MYH14: variants seen among roughly 807,000 people sequenced by gnomAD.
MYH14 encodes the protein myosin-14.
Under a neutral mutation model 255.5 loss-of-function variants are expected in MYH14, and 123 were observed. The ratio of observed to expected loss-of-function variants is 0.48; its 90% CI spans 0.42 to 0.56. The LOEUF (loss-of-function observed/expected upper bound fraction) is 0.56. Ranked by LOEUF, MYH14 falls within the 20% of genes least tolerant of loss-of-function variation. The probability of loss-of-function intolerance (pLI) is 0.00; values close to 1 mark genes in which losing one functional copy is unlikely to be tolerated. For synonymous variants in MYH14, 1,095 were observed against 1,161.2 expected, an observed-to-expected ratio of 0.94 and a Z score of 1.16; for missense variants, 2,423 against 2,802.3, an observed-to-expected ratio of 0.86 and a Z score of 3.06.
At chr19:50,224,969 G>T (rs1439483183) in intron 6 of MYH14, 3 of 396,676 alleles carry the variant, frequency 7.6e-6, no homozygotes, top group Admixed American at 2.9e-5. Flanking sequence ...AGCTGGGCAT[G>T]GTGGTGCTTG....
At position 50,280,925 on chromosome 19, in the gene MYH14, C is replaced by G. The variant is rs1394999380; in HGVS notation, c.4290+542C>G. On this transcript the variant is annotated intron_variant, in intron 32 of 42. Transcript: ENST00000642316. This position sits in a 1 kb window ranked among gnomAD's most constrained non-coding sequence, Gnocchi z 4.8. Reference sequence around the variant, plus strand: ...TTTTCCAGACTTAGCATTAGGCTCCCCTGTGGGAAGTTTCCTGACCCGTCT... The same window carrying G: ...TTTTCCAGACTTAGCATTAGGCTCCGCTGTGGGAAGTTTCCTGACCCGTCT... Among the ~76,000 whole-genome samples, 1 of 152,168 alleles carries G rather than the reference C, an allele frequency of 6.6e-6. No homozygotes were observed. Among genetic ancestry groups the G allele is most frequent in the Non-Finnish European group, 1.5e-5 (1 of 68,038 alleles).
intron 11 of MYH14, 129 bp downstream of exon 11, chr19:50,244,466 T>A: frequency 1.5e-6 from 1 of 649,326 alleles, no homozygotes; most frequent in Non-Finnish European, 2.7e-6. Flanking sequence ...CCAGGATCAC[T>A]CTGATTTCCT....
intron 30 of MYH14, among the ~76,000 whole-genome samples, chr19:50,279,012 TC>T (rs2035616700): frequency 6.6e-6 from 1 of 152,002 alleles, no homozygotes; most frequent in Non-Finnish European, 1.5e-5. Context: ...AATAATTCAC[TC>T]ATTTAAGATG....
intron 2 of MYH14, among the ~76,000 whole-genome samples, chr19:50,212,055 T>C (rs78079410): frequency 0.038 from 5,823 of 152,260 alleles, 119 homozygotes; most frequent in Middle Eastern, 0.054. Flanking sequence ...ACTATGGTAG[T>C]CTTCCCACGT....
In MYH14 at chr19:50,268,318, G is replaced by A; in HGVS notation, c.2984G>A (p.Cys995Tyr). Residue 995 changes from cysteine to tyrosine, a missense_variant, in exon 24 of 43, where the codon TGC (cysteine) becomes TAC (tyrosine). Around this residue, in one of 3 missense-constraint regions of MYH14, gnomAD observed 1,513 missense variants for 1,674.8 expected, o/e 0.90. Transcript: ENST00000642316. ...GCTCGCGTGGGCGAGGAGGAGGAGT[G>A]CAGCCGTCAAATGCAAACCGAGAAG... ...LEARVGEEEE[C>Y]SRQMQTEKKR... 6.3e-7 allele frequency: 1 copy of A among 1,588,532 alleles called. No individual in the cohort carries two copies.
intron 1 of MYH14, among the ~76,000 whole-genome samples, chr19:50,206,466 C>A (rs187564822): frequency 2.6e-5 from 4 of 152,066 alleles, no homozygotes; most frequent in African/African-American, 7.2e-5. Flanking sequence ...AGTTTGGGTC[C>A]GGTGTATCCA....
intron 19 of MYH14, 71 bp downstream of exon 19, chr19:50,259,336 TGC>T: frequency 6.5e-7 from 1 of 1,531,580 alleles, no homozygotes; most frequent in Non-Finnish European, 8.8e-7. Context: ...CCGACACACC[TGC>T]ATTCAGGTCT....
At chr19:50,309,539 ATCTC>A (rs2036776267) in intron 42 of MYH14, 97 bp from the exon 43 acceptor site, 7 of 600,038 alleles carry the variant, frequency 1.2e-5, no homozygotes, top group East Asian at 3.8e-5. Context: ...CTCTCTTCCT[ATCTC>A]TCTCTCTCTC....
Position 50,230,664 on chromosome 19 carries a change from G to T in MYH14, c.973+41G>T. On this transcript the variant is annotated intron_variant, in intron 9 of 42. Transcript: ENST00000642316. The surrounding 1 kb of genome is among the most constrained non-coding windows in gnomAD (Gnocchi z 4.7). ...TCCTACCCTGCTCACCCGGGAGAGG[G>T]TGGGCACCATGTCTCTCGGGGGCCC... 1 of 1,529,302 alleles carries T rather than the reference G, an allele frequency of 6.5e-7. No homozygotes were observed. The allele number at this position is 1,529,302 out of a possible 1,614,324, so 94.7% of individuals were successfully genotyped here.
chr19:50,206,145 C>G (rs891108261), intron 1 of MYH14, among the ~76,000 whole-genome samples: 1 of 151,918 alleles, frequency 6.6e-6, no homozygotes, highest in Non-Finnish European at 1.5e-5. Flanking sequence ...ATCTTCAGAA[C>G]TCAGCATCCT....
chr19:50,305,850 T>C (rs2036634964), intron 40 of MYH14, among the ~76,000 whole-genome samples: 1 of 152,162 alleles, frequency 6.6e-6, no homozygotes, highest in South Asian at 2.1e-4. Flanking sequence ...GAGGATCGCT[T>C]GAGCCCAGGA....
chr19:50,229,216 G>T (rs902933233), intron 8 of MYH14, among the ~76,000 whole-genome samples: 23 of 152,136 alleles, frequency 1.5e-4, no homozygotes, highest in African/African-American at 5.6e-4. Flanking sequence ...TTACACCCCA[G>T]GGCTTCTGGG....
chr19:50,242,981 A>G (rs2033948318), intron 10 of MYH14, among the ~76,000 whole-genome samples: 1 of 152,154 alleles, frequency 6.6e-6, no homozygotes, highest in South Asian at 2.1e-4. Context: ...TGGCATCCCC[A>G]AACACAAGAA....
Position 50,286,445 on chromosome 19 carries a change from T to C in MYH14, c.4540-37T>C, listed in dbSNP as rs762769647. 1.7e-5 allele frequency: 27 copies of C among 1,580,602 alleles called. 1 individual carries two copies. In the South Asian group the frequency reaches 2.4e-4, roughly 14 times the overall value. On this transcript the variant is annotated intron_variant, in intron 33 of 42. Transcript: ENST00000642316. ...TCCCTTGTACACTCCTTTCAGCTAA[T>C]CTATTTCCCCCTACCCCATCTCCCT...
At position 50,293,566 on chromosome 19, in the gene MYH14, C is replaced by A. The variant is rs1248462699; in HGVS notation, c.5348C>A (p.Ala1783Glu). The change falls in exon 39 of 43, where the codon GCA (alanine) becomes GAA (glutamate). Residue 1783 changes from alanine to glutamate, a missense_variant and splice_region_variant. Physicochemically the swap from Ala to Glu is moderately radical, Grantham distance 107. Transcript: ENST00000642316. This position sits in a 1 kb window ranked among gnomAD's most constrained non-coding sequence, Gnocchi z 4.1. ...DEVANGNLSKAAILEEKRQLE... is the reference protein window; with the variant it reads ...DEVANGNLSKEAILEEKRQLE... ...CCCACGCCTTCCTGTCTCCCTAGGGCAGCCATTCTGGAGGAGAAGCGTCAG... is the reference window on the plus strand; with the variant it reads ...CCCACGCCTTCCTGTCTCCCTAGGGAAGCCATTCTGGAGGAGAAGCGTCAG... The A allele has an allele frequency of 1.9e-6, 3 of 1,612,870 alleles. No homozygotes were observed. The highest frequency in any genetic ancestry group is 2.7e-5 in the African/African-American group (2 of 74,982).
chr19:50,276,288 C>T lies in MYH14; in HGVS notation c.3680+85C>T. Reference sequence around the variant, plus strand: ...CTTAGGTACAAAGTCTCTGTCTATACAGAGGCTTACTTATTGTACAGTTGT... The same window carrying T: ...CTTAGGTACAAAGTCTCTGTCTATATAGAGGCTTACTTATTGTACAGTTGT... On this transcript the variant is annotated intron_variant, in intron 28 of 42. Coordinates refer to ENST00000642316, the MANE Select transcript of MYH14 (RefSeq NM_001145809.2). This position sits in a 1 kb window ranked among gnomAD's most constrained non-coding sequence, Gnocchi z 4.3. 9.4e-7 allele frequency: 1 copy of T among 1,063,972 alleles called. No individual in the cohort carries two copies. The highest frequency in any genetic ancestry group is 1.7e-5 in the South Asian group (1 of 60,376). 65.9% of individuals were successfully genotyped at this position (1,063,972 alleles called of 1,614,324 possible).
intron 27 of MYH14, among the ~76,000 whole-genome samples, chr19:50,273,599 GGGGTGTGT>G (rs1475586713): frequency 1.4e-3 from 119 of 82,266 alleles, no homozygotes; most frequent in African/African-American, 5.6e-3. Context: ...TGGAACATGG[GGGGTGTGT>G]GTGTGTGTGT....
intron 2 of MYH14, 27 bp downstream of exon 2, chr19:50,210,797 G>C (rs372329114): frequency 9.1e-5 from 139 of 1,534,138 alleles, no homozygotes; most frequent in Admixed American, 1.1e-4. Flanking sequence ...TGGGGGGCGC[G>C]TGCGGCGGAG....
intron 20 of MYH14, 147 bp downstream of exon 20, chr19:50,260,862 CAT>C (rs950501124): frequency 4.0e-5 from 27 of 668,974 alleles, no homozygotes; most frequent in Admixed American, 8.4e-5. Context: ...TGTGTGCATG[CAT>C]ATGTGTGCAT....
Sources: allele counts gnomAD v4.1 joint callset (sites outside exome capture counted in the v4.1 genomes callset), GRCh38; gene constraint gnomAD v4.1.1; regional missense constraint gnomAD v4.1.1; non-coding constraint Gnocchi (gnomAD v3.1); transcripts MANE v1.5; gene names NCBI Gene and HGNC (gene_info 2026-07-23, HGNC 2026-07-21).